The following RALGAPB variants were observed in gnomAD, a reference collection of about 807,000 sequenced individuals.
RALGAPB encodes Ral GTPase activating protein non-catalytic subunit beta.
Under a neutral mutation model 161.1 loss-of-function variants are expected in RALGAPB, and 25 were observed. The observed-to-expected ratio is 0.16, with a 90% CI of 0.11 to 0.22. The LOEUF is 0.22. RALGAPB is among the 10% of genes least tolerant of loss of function. The probability of loss-of-function intolerance (pLI) is 1.00; values close to 1 mark genes in which losing one functional copy is unlikely to be tolerated. For missense variants in RALGAPB, 1,391 were observed against 1,815.2 expected (o/e 0.77, Z 4.25); for synonymous variants, 629 against 626.1 (o/e 1.00, Z -0.07).
At chr20:38,571,638 G>A (rs913095594) in intron 28 of RALGAPB, among the ~76,000 whole-genome samples, 1 of 152,142 alleles carries the variant, frequency 6.6e-6, no homozygotes, top group Non-Finnish European at 1.5e-5. Flanking sequence ...CCATATCTTA[G>A]CTATTGTGAA....
At chr20:38,483,871 CAAGAGGAGGTTCTTATTTGTGTGTTT>C (rs2085044353) in intron 1 of RALGAPB, among the ~76,000 whole-genome samples, 1 of 152,120 alleles carries the variant, frequency 6.6e-6, no homozygotes, top group African/African-American at 2.4e-5. Context: ...GCCGCAACAG[CAAGAGGAGGTTCTTATTTGTGTGTTT>C]AAGAGTAGGC....
At chr20:38,503,846 C>G (rs2085669033) in intron 5 of RALGAPB, among the ~76,000 whole-genome samples, 1 of 152,142 alleles carries the variant, frequency 6.6e-6, no homozygotes. Context: ...ACAGCCACCC[C>G]AACCTTCAGC....
intron 26 of RALGAPB, among the ~76,000 whole-genome samples, chr20:38,568,017 T>G (rs964196859): frequency 1.3e-5 from 2 of 152,182 alleles, no homozygotes; most frequent in Non-Finnish European, 2.9e-5. Context: ...GAATACAGTT[T>G]AGAGATGATC....
chr20:38,478,170 G>A (rs1280438975), intron 1 of RALGAPB, among the ~76,000 whole-genome samples: 1 of 152,168 alleles, frequency 6.6e-6, no homozygotes. Context: ...GGTGAGGTAT[G>A]GAGTCAGGAC....
intron 3 of RALGAPB, among the ~76,000 whole-genome samples, 165 bp downstream of exon 3, chr20:38,493,297 G>A (rs927797142): frequency 1.3e-5 from 2 of 152,192 alleles, no homozygotes; most frequent in Non-Finnish European, 2.9e-5. Flanking sequence ...ATGGGCTTAT[G>A]TAATGTTTAC....
At chr20:38,525,769 C>T (rs1293491565) in intron 12 of RALGAPB, 126 bp from the exon 13 acceptor site, 3 of 998,056 alleles carry the variant, frequency 3.0e-6, no homozygotes, top group Non-Finnish European at 4.4e-6. Context: ...ACAGATTCAG[C>T]ACAGTGGCTA....
At chr20:38,494,501 T>C (rs1292399287) in intron 3 of RALGAPB, among the ~76,000 whole-genome samples, 1 of 152,070 alleles carries the variant, frequency 6.6e-6, no homozygotes, top group Non-Finnish European at 1.5e-5. Flanking sequence ...TGTGGCGGCA[T>C]GTGCTTATAA....
At position 38,499,570 on chromosome 20, in the gene RALGAPB, A is replaced by G; in HGVS notation, c.677A>G (p.Asn226Ser). The change falls in exon 5 of 30, where the codon AAC becomes AGC. Residue 226 changes from asparagine (N) to serine (S), a missense_variant. Physicochemically the swap from Asn to Ser is conservative, Grantham distance 46 (BLOSUM62 1). Coordinates refer to ENST00000262879, the MANE Select transcript of RALGAPB (RefSeq NM_020336.4). ...AAAACAGCCAAGGAGATGGTGGCTA[A>G]CTGGAGGCATCACCCAGCAGTGGTG... ...YWKTAKEMVA[N>S]WRHHPAVVEQ... 6.2e-7 allele frequency: 1 copy of G among 1,613,974 alleles called. No individual in the cohort carries two copies. Among genetic ancestry groups the G allele is most frequent in the Non-Finnish European group, 8.5e-7 (1 of 1,179,952 alleles).
At chr20:38,559,575 T>G (rs1490005489) in intron 23 of RALGAPB, among the ~76,000 whole-genome samples, 1 of 152,142 alleles carries the variant, frequency 6.6e-6, no homozygotes, top group Non-Finnish European at 1.5e-5. Context: ...GCACCTGTAG[T>G]CCCAGCTGCT....
At chr20:38,555,036 GTCACTCCAC>G (rs754842073) in intron 22 of RALGAPB, among the ~76,000 whole-genome samples, 4 of 152,034 alleles carry the variant, frequency 2.6e-5, no homozygotes, top group Non-Finnish European at 4.4e-5. Context: ...GTGAGTTATG[GTCACTCCAC>G]TCCACTCCAG....
In RALGAPB at chr20:38,517,810, T is replaced by G; in HGVS notation, c.1227T>G (p.Val409=). 6.2e-7 allele frequency: 1 copy of G among 1,613,808 alleles called. No individual in the cohort carries two copies. The highest frequency in any genetic ancestry group is 8.5e-7 in the Non-Finnish European group (1 of 1,179,708). Residue 409 remains valine, a synonymous_variant, in exon 9 of 30, where the codon GTT becomes GTG. Coordinates refer to ENST00000262879, the MANE Select transcript of RALGAPB (RefSeq NM_020336.4). The part of the protein sequence containing the change: ...STVSTAHASK[V]QHQTSSTSPL... The stretch of plus-strand genomic sequence containing the variant: ...TTAGTACTGCTCATGCCTCTAAAGT[T>G]CAGCACCAGACGTCCTCCACCTCTC...
chr20:38,547,272 T>G (rs1375584215), intron 19 of RALGAPB: 4 of 152,034 alleles, frequency 2.6e-5, no homozygotes, highest in East Asian at 1.9e-4. Context: ...TCAGCCAGTA[T>G]GTAAAAGAAG....
At chr20:38,503,146 A>G (rs2085646393) in intron 5 of RALGAPB, among the ~76,000 whole-genome samples, 1 of 152,174 alleles carries the variant, frequency 6.6e-6, no homozygotes, top group Admixed American at 6.5e-5. Flanking sequence ...ATAACATTTT[A>G]TTTAGCTTTC....
intron 9 of RALGAPB, 21 bp downstream of exon 9, chr20:38,518,021 A>G (rs913614151): frequency 1.9e-6 from 3 of 1,570,716 alleles, no homozygotes; most frequent in African/African-American, 1.4e-5. Context: ...CTCAAGAAAT[A>G]TGTTATCATT....
At chr20:38,551,446 G>C (rs2087372578) in intron 21 of RALGAPB, among the ~76,000 whole-genome samples, 1 of 152,036 alleles carries the variant, frequency 6.6e-6, no homozygotes, top group Non-Finnish European at 1.5e-5. Flanking sequence ...GGCTGTTCGT[G>C]GTAGGTTTCA....
chr20:38,512,128 A>G (rs1340808253), intron 6 of RALGAPB, among the ~76,000 whole-genome samples: 1 of 152,180 alleles, frequency 6.6e-6, no homozygotes. Flanking sequence ...TGATGTTTTG[A>G]AAAGCTAACT....
At chr20:38,475,540 AT>A (rs202190348) in intron 1 of RALGAPB, among the ~76,000 whole-genome samples, 10 of 151,632 alleles carry the variant, frequency 6.6e-5, no homozygotes, top group African/African-American at 1.2e-4. Flanking sequence ...GACAATAAAG[AT>A]TTTTTTTTGT....
chr20:38,534,888 T>C (rs927969669), intron 15 of RALGAPB, among the ~76,000 whole-genome samples, 186 bp from the exon 16 acceptor site: 4 of 152,260 alleles, frequency 2.6e-5, no homozygotes, highest in Admixed American at 2.0e-4. Flanking sequence ...CTAGCACATG[T>C]GCCTGTGCAC....
intron 18 of RALGAPB, among the ~76,000 whole-genome samples, chr20:38,543,959 C>G (rs1225825513): frequency 1.3e-5 from 2 of 152,180 alleles, no homozygotes; most frequent in Non-Finnish European, 2.9e-5. Context: ...GCACATTTAC[C>G]TCTTTGCCAA....
Sources: gnomAD v4.1 joint callset for allele counts (sites outside exome capture counted in the v4.1 genomes callset) on GRCh38, gnomAD v4.1.1 for gene constraint, MANE v1.5 for transcripts, NCBI Gene and HGNC (gene_info 2026-07-23, HGNC 2026-07-21) for gene names.